Variants in TBC1D5 observed in about 807,000 individuals in gnomAD.
TBC1D5 encodes the protein TBC1 domain family member 5, also known as TBC1 domain family, member 5.
A neutral mutation model predicts 100.3 loss-of-function variants in TBC1D5; 75 were observed. That is an observed-to-expected ratio of 0.75 (90% CI 0.62 to 0.91). The LOEUF (loss-of-function observed/expected upper bound fraction) is 0.91. TBC1D5 is among the 40% of genes least tolerant of loss of function. TBC1D5 has a pLI of 0.00. For missense variants in TBC1D5, 910 were observed against 942.4 expected (o/e 0.97, Z 0.45); for synonymous variants, 323 against 325.6 (o/e 0.99, Z 0.09).
At chr3:17,512,305 ATTTT>A (rs2095919436) in intron 2 of TBC1D5, among the ~76,000 whole-genome samples, 1 of 152,018 alleles carries the variant, frequency 6.6e-6, no homozygotes, top group Non-Finnish European at 1.5e-5. Flanking sequence ...AAATTAAGAG[ATTTT>A]ATTTAGTCTA....
intron 3 of TBC1D5, among the ~76,000 whole-genome samples, chr3:17,448,639 G>T (rs527638490): frequency 6.6e-6 from 1 of 152,276 alleles, no homozygotes; most frequent in Admixed American, 6.5e-5. Flanking sequence ...TTATCAAAGA[G>T]AAGTCATTTT....
chr3:17,592,888 TGTGGAAACTGAATGTTTGACTATGG>T (rs2153569246), intron 2 of TBC1D5, among the ~76,000 whole-genome samples: 1 of 152,320 alleles, frequency 6.6e-6, no homozygotes, highest in Non-Finnish European at 1.5e-5. Flanking sequence ...ACTAGGCTTT[TGTGGAAACTGAATGTTTGACTATGG>T]GTCATCAAGT....
chr3:17,480,842 T>G (rs372897920), intron 3 of TBC1D5, among the ~76,000 whole-genome samples: 13 of 152,250 alleles, frequency 8.5e-5, no homozygotes, highest in African/African-American at 2.9e-4. Context: ...GAAGCTCCTC[T>G]CTGCCTTGCT....
chr3:17,201,511 G>A (rs1435193689), intron 18 of TBC1D5, among the ~76,000 whole-genome samples: 3 of 152,166 alleles, frequency 2.0e-5, no homozygotes, highest in African/African-American at 7.2e-5. Context: ...TGCCTGATAT[G>A]GTTTGGATTT....
At chr3:17,666,564 G>A (rs2067275051) in intron 1 of TBC1D5, among the ~76,000 whole-genome samples, 1 of 152,032 alleles carries the variant, frequency 6.6e-6, no homozygotes, top group South Asian at 2.1e-4. Context: ...TTATTTAGCA[G>A]TATTTACCCT....
chr3:17,484,423 G>A (rs1331415552), intron 3 of TBC1D5, among the ~76,000 whole-genome samples: 2 of 150,400 alleles, frequency 1.3e-5, no homozygotes, highest in Non-Finnish European at 2.9e-5. Context: ...AGCATCCTGA[G>A]GTGACTTTTA....
chr3:17,308,829 T>G (rs557437223), intron 13 of TBC1D5, among the ~76,000 whole-genome samples: 1 of 152,088 alleles, frequency 6.6e-6, no homozygotes, highest in Non-Finnish European at 1.5e-5. Flanking sequence ...AGAGTAAACA[T>G]AAGCAGCTAA....
intron 13 of TBC1D5, chr3:17,337,325 T>C (rs1389149064): frequency 2.0e-5 from 3 of 152,060 alleles, no homozygotes; most frequent in African/African-American, 4.8e-5. Flanking sequence ...GTAGAAACTA[T>C]CTAGGTCTGG....
At chr3:17,739,291 G>C (rs1362387604) in intron 1 of TBC1D5, 1 of 152,242 alleles carries the variant, frequency 6.6e-6, no homozygotes, top group Non-Finnish European at 1.5e-5. Flanking sequence ...AGGGGGTTAA[G>C]AGAAGGGATT....
At chr3:17,583,907 C>T (rs775345127) in intron 2 of TBC1D5, among the ~76,000 whole-genome samples, 10 of 152,102 alleles carry the variant, frequency 6.6e-5, no homozygotes, top group East Asian at 3.9e-4. Flanking sequence ...CATGTACACG[C>T]GTTTAGAGCA....
chr3:17,637,124 C>A (rs1164414725), intron 1 of TBC1D5, among the ~76,000 whole-genome samples: 4 of 148,190 alleles, frequency 2.7e-5, no homozygotes, highest in African/African-American at 9.9e-5. Context: ...TGGGTTCAAG[C>A]AATTCTCCTG....
chr3:17,576,671 T>C (rs1231348906), intron 2 of TBC1D5: 1 of 152,036 alleles, frequency 6.6e-6, no homozygotes, highest in East Asian at 1.9e-4. Flanking sequence ...CAAGCTATTA[T>C]GATTGATTGA....
At chr3:17,695,049 G>C (rs2071791687) in intron 1 of TBC1D5, among the ~76,000 whole-genome samples, 1 of 152,146 alleles carries the variant, frequency 6.6e-6, no homozygotes, top group Non-Finnish European at 1.5e-5. Context: ...CAAATGCTGA[G>C]AGATTCTGTC....
intron 15 of TBC1D5, among the ~76,000 whole-genome samples, chr3:17,261,702 T>G (rs2078309031): frequency 1.3e-5 from 2 of 152,148 alleles, no homozygotes; most frequent in African/African-American, 4.8e-5. Context: ...TTTTATTGTT[T>G]TGTACAGATG....
intron 1 of TBC1D5, among the ~76,000 whole-genome samples, chr3:17,668,441 C>T (rs1325335437): frequency 1.3e-5 from 2 of 151,930 alleles, no homozygotes; most frequent in Non-Finnish European, 2.9e-5. Flanking sequence ...TTAAACTCAA[C>T]TAAATCTCTT....
At chr3:17,427,707 T>C (rs2094364936) in intron 4 of TBC1D5, among the ~76,000 whole-genome samples, 1 of 151,932 alleles carries the variant, frequency 6.6e-6, no homozygotes, top group South Asian at 2.1e-4. Flanking sequence ...TTAAAATGTA[T>C]TATTATTGAA....
chr3:17,494,422 T>A (rs923160180), intron 3 of TBC1D5, among the ~76,000 whole-genome samples: 1 of 152,214 alleles, frequency 6.6e-6, no homozygotes, highest in Non-Finnish European at 1.5e-5. Flanking sequence ...AAAGCAACAG[T>A]CTGGCTGCCC....
chr3:17,191,456 T>G (rs1425537972), intron 18 of TBC1D5, among the ~76,000 whole-genome samples: 4 of 152,216 alleles, frequency 2.6e-5, no homozygotes, highest in African/African-American at 9.6e-5. Context: ...CAAAGGATTA[T>G]GAATGCATGC....
chr3:17,344,859 G>C (rs1448315427), intron 13 of TBC1D5, among the ~76,000 whole-genome samples: 1 of 152,150 alleles, frequency 6.6e-6, no homozygotes, highest in African/African-American at 2.4e-5. Context: ...AAACTGGCTA[G>C]CCATATGTAG....
Sources: allele counts gnomAD v4.1 joint callset (sites outside exome capture counted in the v4.1 genomes callset), GRCh38; gene constraint gnomAD v4.1.1; transcripts MANE v1.5; gene names NCBI Gene and HGNC (gene_info 2026-07-23, HGNC 2026-07-21).